Variants in TTPA observed in about 807,000 individuals in gnomAD.
TTPA encodes alpha tocopherol transfer protein.
TTPA carries 23 observed loss-of-function variants against 25.9 expected under a neutral mutation model. That is an observed-to-expected ratio of 0.89 (90% CI 0.64 to 1.26). The LOEUF is 1.26. Among genes scored for constraint, TTPA ranks in the 50% most tolerant of loss-of-function variants. The pLI, the probability that TTPA is intolerant of heterozygous loss-of-function variation, is 0.00. For synonymous variants in TTPA, 148 were observed against 137.3 expected, an observed-to-expected ratio of 1.08 and a Z score of -0.54; for missense variants, 337 against 353.1, an observed-to-expected ratio of 0.95 and a Z score of 0.37.
intron 1 of TTPA, among the ~76,000 whole-genome samples, chr8:63,074,954 G>A (rs1304222707): frequency 6.6e-6 from 1 of 152,136 alleles, no homozygotes; most frequent in African/African-American, 2.4e-5. Context: ...AAACCAACTG[G>A]AACCACACAC....
intron 4 of TTPA, among the ~76,000 whole-genome samples, chr8:63,063,459 C>T (rs1184502542): frequency 6.6e-6 from 1 of 151,968 alleles, no homozygotes; most frequent in Non-Finnish European, 1.5e-5. Context: ...ACACTGAAAC[C>T]GTTAAGTAGG....
At chr8:63,063,300 A>G (rs1354896488) in intron 4 of TTPA, among the ~76,000 whole-genome samples, 2 of 152,086 alleles carry the variant, frequency 1.3e-5, no homozygotes, top group African/African-American at 2.4e-5. Context: ...CGCAGACTCT[A>G]TTTTCAACCT....
At chr8:63,071,946 A>C (rs1016365467) in intron 2 of TTPA, among the ~76,000 whole-genome samples, 10 of 152,202 alleles carry the variant, frequency 6.6e-5, no homozygotes, top group African/African-American at 2.4e-4. Context: ...ACCAACCTAC[A>C]AGAAACACTA....
In TTPA at chr8:63,066,079, A is replaced by T. The variant is rs752986314; in HGVS notation, c.377T>A (p.Val126Asp). The T allele has an allele frequency of 4.5e-6, 7 of 1,554,706 alleles. No individual in the cohort carries two copies. The Admixed American group carries it at 9.6e-5, about 21-fold the overall frequency. The change falls in exon 3 of 5, where the codon GTT becomes GAT. Residue 126 changes from valine to aspartate, a missense_variant. Coordinates refer to ENST00000260116, the MANE Select transcript of TTPA (RefSeq NM_000370.3). ...IYRIAHWDPK[V>D]FTAYDVFRVS... Reference sequence around the variant, plus strand: ...TCGAAATACGTCATAAGCTGTAAAAACTTTGGGGTCCCAGTGTGCTAAAAA... The same window carrying T: ...TCGAAATACGTCATAAGCTGTAAAATCTTTGGGGTCCCAGTGTGCTAAAAA...
rs1585687708 is a variant in TTPA, at chr8:63,065,777, A to G, written c.552+127T>C. ...TCCTCTTAGCATTGTTGAATTCTAC[A>G]CATCATTTCCAAAATTGTATTTAAA... is the stretch of plus-strand genomic sequence containing the variant. On this transcript the variant is annotated intron_variant, in intron 3 of 4. Coordinates refer to ENST00000260116, the MANE Select transcript of TTPA (RefSeq NM_000370.3). 8.5e-6 allele frequency: 9 copies of G among 1,054,400 alleles called. 1 individual carries two copies. In the East Asian group the frequency reaches 2.3e-4, roughly 27 times the overall value. The allele number at this position is 1,054,400 out of a possible 1,614,324, so 65.3% of individuals were successfully genotyped here.
chr8:63,085,819 C>T lies in TTPA; in HGVS notation c.203G>A (p.Arg68Gln). 2.0e-6 allele frequency: 3 copies of T among 1,535,530 alleles called. No individual in the cohort carries two copies. The South Asian group carries it at 3.6e-5, about 18-fold the overall frequency. Reference protein sequence around the residue: ...ARDFDLDLAWRLLKNYYKWRA... With the variant: ...ARDFDLDLAWQLLKNYYKWRA... ...AGCGCCCTGGGCACGCACGCTTACC[C>T]GCCAGGCCAGGTCCAGATCGAAATC... Residue 68 changes from arginine (R) to glutamine (Q), a missense_variant and splice_region_variant, in exon 1 of 5, where the codon CGG (arginine) becomes CAG (glutamine). Coordinates refer to ENST00000260116, the MANE Select transcript of TTPA (RefSeq NM_000370.3).
chr8:63,064,135 G>T, intron 4 of TTPA, 71 bp downstream of exon 4: 1 of 1,111,356 alleles, frequency 9.0e-7, no homozygotes, highest in Non-Finnish European at 1.3e-6. Flanking sequence ...AGATGATAAA[G>T]CAATCCTTAA....
intron 2 of TTPA, among the ~76,000 whole-genome samples, chr8:63,071,002 G>A (rs1462956466): frequency 6.6e-6 from 1 of 151,592 alleles, no homozygotes; most frequent in African/African-American, 2.4e-5. Flanking sequence ...CAAATAACTG[G>A]GCATCCTTTA....
At chr8:63,078,733 G>A (rs1000555079) in intron 1 of TTPA, among the ~76,000 whole-genome samples, 1 of 152,194 alleles carries the variant, frequency 6.6e-6, no homozygotes, top group Non-Finnish European at 1.5e-5. Context: ...GAAAGTGATG[G>A]GGAGAGTGGA....
chr8:63,074,592 A>C (rs1039802346), intron 1 of TTPA, among the ~76,000 whole-genome samples: 1 of 152,186 alleles, frequency 6.6e-6, no homozygotes, highest in African/African-American at 2.4e-5. Context: ...GTAGGTCCTA[A>C]TATCTTCATT....
At chr8:63,080,680 A>G (rs1805647159) in intron 1 of TTPA, among the ~76,000 whole-genome samples, 1 of 150,786 alleles carries the variant, frequency 6.6e-6, no homozygotes, top group Admixed American at 6.6e-5. Context: ...GAATCATGCC[A>G]CTGCACTCCA....
intron 2 of TTPA, 118 bp from the exon 3 acceptor site, chr8:63,066,215 G>T: frequency 9.5e-7 from 1 of 1,054,302 alleles, no homozygotes; most frequent in Non-Finnish European, 1.4e-6. Flanking sequence ...CATCTACAAA[G>T]ATCAAGAATT....
intron 2 of TTPA, among the ~76,000 whole-genome samples, chr8:63,072,469 G>T (rs1226230322): frequency 6.6e-6 from 1 of 152,132 alleles, no homozygotes; most frequent in Non-Finnish European, 1.5e-5. Context: ...CACCATGTTG[G>T]CCAGGTTGGT....
intron 1 of TTPA, among the ~76,000 whole-genome samples, chr8:63,078,206 G>T (rs1563364743): frequency 2.6e-5 from 4 of 151,970 alleles, no homozygotes; most frequent in Admixed American, 2.0e-4. Context: ...GACCAAAGGT[G>T]GATAAAACCA....
At chr8:63,062,961 A>C (rs1028707257) in intron 4 of TTPA, among the ~76,000 whole-genome samples, 3 of 152,206 alleles carry the variant, frequency 2.0e-5, no homozygotes, top group African/African-American at 7.2e-5. Context: ...ATTTTTGCTA[A>C]AGCAGGCAAT....
chr8:63,085,224 T>G (rs1478529082), intron 1 of TTPA, among the ~76,000 whole-genome samples: 10 of 152,178 alleles, frequency 6.6e-5, no homozygotes, highest in Admixed American at 6.5e-4. Flanking sequence ...CACCTTTTCT[T>G]TCAGTGAGCT....
rs184844804 is a variant in TTPA at position 63,072,027 on chromosome 8, C to T, written c.358+908G>A. Among the ~76,000 whole-genome samples the T allele has an allele frequency of 1.3e-3, 194 of 152,290 alleles. 2 individuals are homozygous for T. The highest frequency in any genetic ancestry group is 3.9e-3 in the African/African-American group (162 of 41,558). On this transcript the variant is annotated intron_variant, in intron 2 of 4. Coordinates refer to ENST00000260116, the MANE Select transcript of TTPA (RefSeq NM_000370.3). ...AGTTAATGGAATACCGTGTCTGCAA[C>T]AGCTCCCAGAGGAGTTGCCTTTCCT...
At chr8:63,062,149 C>T (rs1292175166) in intron 4 of TTPA, among the ~76,000 whole-genome samples, 4 of 150,018 alleles carry the variant, frequency 2.7e-5, no homozygotes, top group Non-Finnish European at 4.4e-5. Context: ...GAGCCAAGAT[C>T]GTGCCACTGC....
intron 2 of TTPA, among the ~76,000 whole-genome samples, chr8:63,069,480 A>G (rs1246327853): frequency 6.6e-6 from 1 of 152,124 alleles, no homozygotes; most frequent in East Asian, 1.9e-4. Flanking sequence ...CTAGAATCCC[A>G]GCACTTTGTG....
Sources: gnomAD v4.1 joint callset for allele counts (sites outside exome capture counted in the v4.1 genomes callset) on GRCh38, gnomAD v4.1.1 for gene constraint, MANE v1.5 for transcripts, NCBI Gene and HGNC (gene_info 2026-07-23, HGNC 2026-07-21) for gene names.